Variants in TMEM164 observed in about 807,000 individuals in gnomAD.
TMEM164 encodes RP13-360B22.2.
A neutral mutation model predicts 18.8 loss-of-function variants in TMEM164; 4 were observed. The observed-to-expected ratio is 0.21, with a 90% CI of 0.10 to 0.49. The LOEUF (loss-of-function observed/expected upper bound fraction) is 0.49. TMEM164 is among the 20% of genes least tolerant of loss of function. The probability of loss-of-function intolerance (pLI) is 0.98; values close to 1 mark genes in which losing one functional copy is unlikely to be tolerated. For missense variants in TMEM164, 108 were observed against 239.9 expected (o/e 0.45, Z 3.63); for synonymous variants, 86 against 101.7 (o/e 0.85, Z 0.93).
In TMEM164 at chrX:110,176,275, A is replaced by T. The variant is rs2067288446; in HGVS notation, c.*2824A>T. 1.3e-6 allele frequency: 1 copy of T among 754,805 alleles called. No individual in the cohort carries two copies. The allele number at this position is 754,805 out of a possible 1,213,427, so 62.2% of individuals were successfully genotyped here. ...TTGTGGCATCCACTCCAAATAGCAG[A>T]GACCCAGTCACGCCTGCTTCTGGTC... On this transcript the variant is annotated 3_prime_UTR_variant, in exon 7 of 7. Transcript: ENST00000372068.
chrX:110,153,052 T>C, intron 5 of TMEM164, among the ~76,000 whole-genome samples: 1 of 111,883 alleles, frequency 8.9e-6, no homozygotes. Flanking sequence ...TTATCCAATT[T>C]TCATGCCTCT....
intron 3 of TMEM164, among the ~76,000 whole-genome samples, chrX:110,081,410 A>G (rs1298210928): frequency 9.0e-6 from 1 of 111,540 alleles, no homozygotes; most frequent in East Asian, 2.8e-4. Flanking sequence ...TGATTATTTT[A>G]TTTAATCCTT....
intron 2 of TMEM164, among the ~76,000 whole-genome samples, chrX:110,033,112 A>G (rs1934591599): frequency 8.9e-6 from 1 of 112,224 alleles, no homozygotes; most frequent in Non-Finnish European, 1.9e-5. Context: ...CTGTTAAATA[A>G]TTGAGCACCT....
intron 3 of TMEM164, among the ~76,000 whole-genome samples, chrX:110,087,807 T>C (rs1261403275): frequency 8.9e-6 from 1 of 111,914 alleles, no homozygotes; most frequent in Non-Finnish European, 1.9e-5. Flanking sequence ...GGATCTGTGA[T>C]GCAAATAGGA....
intron 4 of TMEM164, among the ~76,000 whole-genome samples, chrX:110,140,799 A>G (rs1408747498): frequency 8.9e-6 from 1 of 112,394 alleles, no homozygotes; most frequent in Admixed American, 9.4e-5. Context: ...GAACCAGGCT[A>G]TGTATATTAG....
rs866448549 is a variant in TMEM164 at position 110,116,861 on chromosome X, C to T, written c.507+7715C>T. On this transcript the variant is annotated intron_variant, in intron 4 of 6. Coordinates refer to ENST00000372068, the MANE Select transcript of TMEM164 (RefSeq NM_032227.4). Reference sequence around the variant, plus strand: ...GTGTGTGTGTGTGTGTGCGCGTGTGCGTGTGTGTGTGTGTGGTGTGTGTGT... The same window carrying T: ...GTGTGTGTGTGTGTGTGCGCGTGTGTGTGTGTGTGTGTGTGGTGTGTGTGT... Among the ~76,000 whole-genome samples, 17 of 88,815 alleles carry T rather than the reference C, an allele frequency of 1.9e-4. 1 individual carries two copies. The highest frequency in any genetic ancestry group is 3.8e-4 in the African/African-American group (9 of 23,381). The allele number at this position is 88,815 out of a possible 115,157, so 77.1% of individuals were successfully genotyped here. A position where few individuals can be genotyped will look rare whatever the true frequency, so the allele number is the denominator to read the frequency against.
chrX:110,064,314 T>C (rs1936239039), intron 2 of TMEM164, among the ~76,000 whole-genome samples: 2 of 112,006 alleles, frequency 1.8e-5, no homozygotes, highest in South Asian at 7.4e-4. Flanking sequence ...AGTGATAGTT[T>C]AGCTTTTCAC....
chrX:110,136,283 G>A (rs919547999), intron 4 of TMEM164, among the ~76,000 whole-genome samples: 2 of 111,223 alleles, frequency 1.8e-5, no homozygotes, highest in Non-Finnish European at 3.8e-5. Context: ...CATTTAGGTC[G>A]TGGCATTCCT....
At chrX:110,099,019 C>T (rs753635466) in intron 3 of TMEM164, among the ~76,000 whole-genome samples, 8 of 100,605 alleles carry the variant, frequency 8.0e-5, no homozygotes, top group East Asian at 6.1e-4. Flanking sequence ...AGGATGGTCT[C>T]GATCTCCTGA....
intron 3 of TMEM164, among the ~76,000 whole-genome samples, chrX:110,086,241 GC>G (rs749543066): frequency 1.5e-4 from 17 of 111,865 alleles, no homozygotes; most frequent in Non-Finnish European, 2.3e-4. Flanking sequence ...GTGATTGCTA[GC>G]CAAGTGCTAT....
intron 2 of TMEM164, among the ~76,000 whole-genome samples, chrX:110,058,585 C>T (rs1017609709): frequency 3.0e-5 from 3 of 99,284 alleles, no homozygotes; most frequent in Admixed American, 2.3e-4. Context: ...CTTTGGGTCC[C>T]CTCCCCTCCC....
chrX:110,134,570 A>G (rs1310718756), intron 4 of TMEM164, among the ~76,000 whole-genome samples: 3 of 104,808 alleles, frequency 2.9e-5, no homozygotes, highest in African/African-American at 1.0e-4. Flanking sequence ...AAAAAAAAAA[A>G]AAAAAAAAAA....
At chrX:110,154,862 G>A (rs1318394375) in intron 5 of TMEM164, among the ~76,000 whole-genome samples, 2 of 111,710 alleles carry the variant, frequency 1.8e-5, no homozygotes, top group African/African-American at 3.3e-5. Flanking sequence ...GCATTTGGTC[G>A]AGTACCTTGA....
intron 4 of TMEM164, among the ~76,000 whole-genome samples, chrX:110,129,002 G>A (rs1178014769): frequency 9.1e-6 from 1 of 110,039 alleles, no homozygotes; most frequent in East Asian, 2.8e-4. Flanking sequence ...ATTTTCCTTG[G>A]GATTTTATTT....
intron 2 of TMEM164, among the ~76,000 whole-genome samples, chrX:110,060,810 A>T (rs1288417887): frequency 9.0e-6 from 1 of 111,664 alleles, no homozygotes; most frequent in Non-Finnish European, 1.9e-5. Context: ...GGTTTATCTG[A>T]TGTTTTTTCA....
rs2067257763 is a variant in TMEM164, at chrX:110,173,515, C to T, written c.*64C>T. 1 of 978,381 alleles carries T rather than the reference C, an allele frequency of 1.0e-6. No homozygotes were observed. The highest frequency in any genetic ancestry group is 2.2e-5 in the South Asian group (1 of 45,373). 80.6% of individuals were successfully genotyped at this position (978,381 alleles called of 1,213,427 possible). ...AAGTCGTGACTTGACTTGGAGAACA[C>T]CCAGTTCTTGATAAAATCATGGGAG... On this transcript the variant is annotated 3_prime_UTR_variant, in exon 7 of 7. Transcript: ENST00000372068.
chrX:110,066,418 G>T (rs1400401838), intron 2 of TMEM164, among the ~76,000 whole-genome samples: 3 of 112,058 alleles, frequency 2.7e-5, no homozygotes, highest in Non-Finnish European at 3.8e-5. Context: ...GAATGTTTTT[G>T]ACTCCTGTAG....
chrX:110,076,332 C>T (rs1371921117), intron 3 of TMEM164, among the ~76,000 whole-genome samples: 3 of 110,864 alleles, frequency 2.7e-5, no homozygotes, highest in Non-Finnish European at 5.7e-5. Flanking sequence ...TCACATTTGT[C>T]ATCTCTGATT....
At chrX:110,056,170 C>T (rs1255734140) in intron 2 of TMEM164, among the ~76,000 whole-genome samples, 9 of 107,956 alleles carry the variant, frequency 8.3e-5, no homozygotes, top group African/African-American at 3.0e-4. Flanking sequence ...TTTAGCTCAC[C>T]CCCCTCCCTA....
Sources: gnomAD v4.1 joint callset for allele counts (sites outside exome capture counted in the v4.1 genomes callset) on GRCh38, gnomAD v4.1.1 for gene constraint, MANE v1.5 for transcripts, NCBI Gene and HGNC (gene_info 2026-07-23, HGNC 2026-07-21) for gene names.